The following RRM1 variants were observed in gnomAD, a reference collection of about 807,000 sequenced individuals.
RRM1 encodes ribonucleoside-diphosphate reductase large subunit.
In RRM1, 19 loss-of-function variants were observed where a neutral mutation model predicts 101.5. That is an observed-to-expected ratio of 0.19 (90% CI 0.13 to 0.27). The LOEUF (loss-of-function observed/expected upper bound fraction) is 0.27. RRM1 is among the 10% of genes least tolerant of loss of function. RRM1 has a pLI of 1.00. For synonymous variants in RRM1, 298 were observed against 323.4 expected, an observed-to-expected ratio of 0.92 and a Z score of 0.84; for missense variants, 500 against 962.9, an observed-to-expected ratio of 0.52 and a Z score of 6.36.
chr11:4,111,251 G>GA (rs1016733953), intron 5 of RRM1, among the ~76,000 whole-genome samples: 15 of 148,482 alleles, frequency 1.0e-4, no homozygotes, highest in African/African-American at 2.0e-4. Flanking sequence ...ACTAAAAATA[G>GA]AAAAAAAAAA....
At chr11:4,128,943 C>T (rs2094594317) in intron 14 of RRM1, 131 bp from the exon 15 acceptor site, 3 of 528,482 alleles carry the variant, frequency 5.7e-6, no homozygotes, top group Non-Finnish European at 1.0e-5. Flanking sequence ...TTGTATTCCT[C>T]ATAGAGGTTG....
At chr11:4,100,167 A>G (rs2094549180) in intron 1 of RRM1, among the ~76,000 whole-genome samples, 1 of 152,210 alleles carries the variant, frequency 6.6e-6, no homozygotes, top group Admixed American at 6.5e-5. Flanking sequence ...AGAAAAAGCA[A>G]CTTGTTCTAG....
At chr11:4,118,808 G>A (rs1037175640) in intron 8 of RRM1, among the ~76,000 whole-genome samples, 3 of 152,114 alleles carry the variant, frequency 2.0e-5, no homozygotes, top group African/African-American at 4.8e-5. Flanking sequence ...TTACTACAAC[G>A]CTATGAGGTA....
At chr11:4,098,415 CTCCTTCCT>C (rs1176661396) in intron 1 of RRM1, among the ~76,000 whole-genome samples, 10 of 118,844 alleles carry the variant, frequency 8.4e-5, no homozygotes, top group African/African-American at 1.2e-4. Flanking sequence ...CCGTCCCTTC[CTCCTTCCT>C]TCCTTCCTTC....
intron 1 of RRM1, among the ~76,000 whole-genome samples, chr11:4,095,964 T>C (rs368310528): frequency 6.6e-6 from 1 of 152,260 alleles, no homozygotes; most frequent in African/African-American, 2.4e-5. Context: ...TTGTAGGCAC[T>C]TAGTAAATAC....
intron 15 of RRM1, among the ~76,000 whole-genome samples, chr11:4,130,086 A>ATATATTTTTTTTTT (rs1202870487): frequency 7.7e-4 from 77 of 99,440 alleles, no homozygotes; most frequent in African/African-American, 3.7e-3. Flanking sequence ...ATATATATAT[A>ATATATTTTTTTTTT]TTTTTTTTTT....
rs55705631 is a variant in RRM1, at chr11:4,105,578, CTTTTTTTTTT to C, written c.109-457_109-448del. On this transcript the variant is annotated intron_variant, in intron 2 of 18. Transcript: ENST00000300738. Reference sequence around the variant, plus strand: ...ATTTGATTGTTTTCTTTTTTCTTTCCTTTTTTTTTTTTTTTTTTTTGAGACAGGGTCTCAC... The same window carrying C: ...ATTTGATTGTTTTCTTTTTTCTTTCCTTTTTTTTTTGAGACAGGGTCTCAC... 13 of 281,732 alleles carry C rather than the reference CTTTTTTTTTT, an allele frequency of 4.6e-5. No homozygotes were observed. In the East Asian group the frequency reaches 9.7e-4, roughly 21 times the overall value. The allele number at this position is 281,732 out of a possible 1,614,324, so 17.5% of individuals were successfully genotyped here. A position where few individuals can be genotyped will look rare whatever the true frequency, so the allele number is the denominator to read the frequency against.
At chr11:4,111,264 A>G (rs2094565108) in intron 5 of RRM1, among the ~76,000 whole-genome samples, 1 of 152,076 alleles carries the variant, frequency 6.6e-6, no homozygotes, top group East Asian at 1.9e-4. Flanking sequence ...AAAAAAAATT[A>G]GCTGGGCCTG....
intron 14 of RRM1, among the ~76,000 whole-genome samples, chr11:4,128,523 G>A (rs1434881249): frequency 2.0e-5 from 3 of 152,282 alleles, no homozygotes; most frequent in Non-Finnish European, 2.9e-5. Context: ...CTATTCTCAA[G>A]TCATGTCCAT....
chr11:4,109,134 A>G (rs2133294364), intron 4 of RRM1, among the ~76,000 whole-genome samples: 1 of 152,160 alleles, frequency 6.6e-6, no homozygotes, highest in Non-Finnish European at 1.5e-5. Context: ...AGAGCCTCAG[A>G]ATTAACATAA....
At chr11:4,128,794 A>C (rs2094594121) in intron 14 of RRM1, among the ~76,000 whole-genome samples, 2 of 152,206 alleles carry the variant, frequency 1.3e-5, no homozygotes, top group South Asian at 4.1e-4. Context: ...GTGTTAAAAA[A>C]AGAGAATGTG....
In RRM1 at chr11:4,132,201, A is replaced by G; in HGVS notation, c.1770-85A>G. On this transcript the variant is annotated intron_variant, in intron 15 of 18. Coordinates refer to ENST00000300738, the MANE Select transcript of RRM1 (RefSeq NM_001033.5). This position sits in a 1 kb window ranked among gnomAD's most constrained non-coding sequence, Gnocchi z 4.1. ...ACATTTACATTTACTACATTTATCTACATTTACTACAGTGACTTAAAGTAG... is the reference window on the plus strand; with the variant it reads ...ACATTTACATTTACTACATTTATCTGCATTTACTACAGTGACTTAAAGTAG... 2 of 1,293,636 alleles carry G rather than the reference A, an allele frequency of 1.5e-6. No individual in the cohort carries two copies. The highest frequency in any genetic ancestry group is 2.3e-5 in the East Asian group (1 of 43,186). The allele number at this position is 1,293,636 out of a possible 1,614,324, so 80.1% of individuals were successfully genotyped here. A position where few individuals can be genotyped will look rare whatever the true frequency, so the allele number is the denominator to read the frequency against.
rs2094617831 is a variant in RRM1 at position 4,138,332 on chromosome 11, C to T, written c.2328C>T (p.Ala776=). 3 of 1,612,116 alleles carry T rather than the reference C, an allele frequency of 1.9e-6. No individual in the cohort carries two copies. The highest frequency in any genetic ancestry group is 2.5e-6 in the Non-Finnish European group (3 of 1,179,174). The change falls in exon 19 of 19, where the codon GCC becomes GCT. Residue 776 remains alanine (A), a synonymous_variant. Coordinates refer to ENST00000300738, the MANE Select transcript of RRM1 (RefSeq NM_001033.5). ...AAGAGAAGGAGAGGAACACAGCAGC[C>T]ATGGTGTGCTCTTTGGAGAATAGAG... is the stretch of plus-strand genomic sequence containing the variant. ...EEEEKERNTA[A]MVCSLENRDE...
chr11:4,118,459 G>A lies in RRM1; in HGVS notation c.790G>A (p.Gly264Arg). The A allele has an allele frequency of 6.2e-7, 1 of 1,613,896 alleles. No homozygotes were observed. The highest frequency in any genetic ancestry group is 8.5e-7 in the Non-Finnish European group (1 of 1,179,906). Residue 264 changes from glycine (G) to arginine (R), a missense_variant and splice_region_variant, in exon 8 of 19, where the codon GGG becomes AGG. Physicochemically the swap from Gly to Arg is moderately radical, Grantham distance 125. Coordinates refer to ENST00000300738, the MANE Select transcript of RRM1 (RefSeq NM_001033.5). ...CIRATGSYIA[G>R]TNGNSNGLVP... ...TCGGGCTACTGGCAGCTACATTGCTGGGGTAGGTTTCTGCCATTTGACTTT... is the reference window on the plus strand; with the variant it reads ...TCGGGCTACTGGCAGCTACATTGCTAGGGTAGGTTTCTGCCATTTGACTTT...
At position 4,118,475 on chromosome 11, in the gene RRM1, A is replaced by G. The variant is rs371857894; in HGVS notation, c.792+14A>G. The G allele has an allele frequency of 9.9e-6, 16 of 1,613,570 alleles. No homozygotes were observed. The highest frequency in any genetic ancestry group is 4.0e-5 in the African/African-American group (3 of 75,022). ...TACATTGCTGGGGTAGGTTTCTGCC[A>G]TTTGACTTTTAAAGGGGGATTCAAG... On this transcript the variant is annotated intron_variant, in intron 8 of 18. Transcript: ENST00000300738.
intron 7 of RRM1, among the ~76,000 whole-genome samples, chr11:4,117,631 G>A (rs1314760039): frequency 6.6e-6 from 1 of 152,170 alleles, no homozygotes; most frequent in Admixed American, 6.5e-5. Flanking sequence ...TGCAATGAGG[G>A]TATATTTGTG....
At chr11:4,095,115 C>CGCCT in intron 1 of RRM1, 84 bp downstream of exon 1, 1 of 1,453,568 alleles carries the variant, frequency 6.9e-7, no homozygotes, top group Non-Finnish European at 9.4e-7. Context: ...ACCGCCCGCC[C>CGCCT]GCCTTCGCTG....
chr11:4,121,113 C>T (rs1297869821), intron 9 of RRM1, among the ~76,000 whole-genome samples: 1 of 152,206 alleles, frequency 6.6e-6, no homozygotes, highest in African/African-American at 2.4e-5. Flanking sequence ...ATTTTATCAA[C>T]AGGATGGTTT....
At chr11:4,113,916 C>T (rs1324592282) in intron 7 of RRM1, among the ~76,000 whole-genome samples, 4 of 151,910 alleles carry the variant, frequency 2.6e-5, no homozygotes, top group Non-Finnish European at 5.9e-5. Flanking sequence ...TGCCTGAGCT[C>T]AGGAGTTCGA....
Sources: allele counts gnomAD v4.1 joint callset (sites outside exome capture counted in the v4.1 genomes callset), GRCh38; gene constraint gnomAD v4.1.1; non-coding constraint Gnocchi (gnomAD v3.1); transcripts MANE v1.5; gene names NCBI Gene and HGNC (gene_info 2026-07-23, HGNC 2026-07-21).